ZC3H12B: variants seen among roughly 807,000 people sequenced by gnomAD.
ZC3H12B encodes zinc finger CCCH-type containing 12B.
In ZC3H12B, 7 loss-of-function variants were observed where a neutral mutation model predicts 43.9. The observed-to-expected ratio is 0.16, with a 90% CI of 0.09 to 0.30. The LOEUF is 0.30. Among genes scored for constraint, ZC3H12B ranks in the 10% least tolerant of loss-of-function variants. The pLI is 1.00. For synonymous variants in ZC3H12B, 222 were observed against 241.7 expected (o/e 0.92, Z 0.76); for missense variants, 475 against 670.2 (o/e 0.71, Z 3.22).
the ZC3H12B span, among the ~76,000 whole-genome samples, chrX:65,226,395 C>T: frequency 0.012 from 1,347 of 111,411 alleles, 17 homozygotes; most frequent in African/African-American, 0.042. Flanking sequence ...AAGGAACAAC[C>T]GGTACCAGCC....
the ZC3H12B span, among the ~76,000 whole-genome samples, chrX:65,172,687 T>C: frequency 1.8e-5 from 2 of 112,311 alleles, no homozygotes; most frequent in Non-Finnish European, 3.8e-5. Context: ...AGGGAATCCT[T>C]TCTACATTGT....
At chrX:65,059,520 A>T in the ZC3H12B span, among the ~76,000 whole-genome samples, 1 of 110,727 alleles carries the variant, frequency 9.0e-6, no homozygotes, top group Non-Finnish European at 1.9e-5. Context: ...GTTTAAAATG[A>T]GTTTAGTATA....
the ZC3H12B span, among the ~76,000 whole-genome samples, chrX:65,144,759 A>C: frequency 1.8e-5 from 2 of 110,965 alleles, no homozygotes; most frequent in African/African-American, 6.6e-5. Flanking sequence ...AGGTTATTTA[A>C]TTTCCATGTA....
At chrX:65,188,050 C>T in the ZC3H12B span, among the ~76,000 whole-genome samples, 1 of 111,623 alleles carries the variant, frequency 9.0e-6, no homozygotes, top group African/African-American at 3.3e-5. Context: ...TATGTGAGAA[C>T]ATGCATAGTT....
At chrX:65,360,576 ACTC>A in the ZC3H12B span, among the ~76,000 whole-genome samples, 4 of 111,810 alleles carry the variant, frequency 3.6e-5, no homozygotes, top group East Asian at 1.1e-3. Context: ...AGCAATTAGA[ACTC>A]CTACAAACGC....
chrX:65,461,812 C>G (rs2067753176), intron 3 of ZC3H12B, among the ~76,000 whole-genome samples: 1 of 110,037 alleles, frequency 9.1e-6, no homozygotes, highest in Non-Finnish European at 1.9e-5. Context: ...TGTAACAAAC[C>G]TGCACGTTGT....
the ZC3H12B span, among the ~76,000 whole-genome samples, chrX:65,073,488 A>G: frequency 8.9e-6 from 1 of 112,245 alleles, no homozygotes; most frequent in Non-Finnish European, 1.9e-5. Context: ...CGGCAGACCA[A>G]GGGGTGTTCA....
the ZC3H12B span, among the ~76,000 whole-genome samples, chrX:65,122,178 C>G: frequency 9.0e-6 from 1 of 110,902 alleles, no homozygotes; most frequent in Non-Finnish European, 1.9e-5. Context: ...TGGTGCAGAG[C>G]TGAGTTCAAT....
Position 65,393,736 on chromosome X carries a change from C to A in ZC3H12B, n.296-4857C>A, listed in dbSNP as rs939015683. Among the ~76,000 whole-genome samples the A allele has an allele frequency of 2.7e-5, 3 of 112,032 alleles. No individual in the cohort carries two copies. The Admixed American group carries it at 2.8e-4, about 11-fold the overall frequency. On this transcript the variant is annotated intron_variant and non_coding_transcript_variant, in intron 2 of 5. Coordinates refer to the ZC3H12B transcript ENST00000617377. ...ACCCAGTAATGGGATTGCTGGGTCA[C>A]ATGGTATTTCTGGTTCTAGATGCTT...
intron 3 of ZC3H12B, among the ~76,000 whole-genome samples, chrX:65,468,485 CT>C (rs756168806): frequency 0.073 from 6,389 of 87,932 alleles, 701 homozygotes; most frequent in African/African-American, 0.29. Flanking sequence ...TTCTTTCTTT[CT>C]TTTTTTTTTT....
At chrX:65,159,697 G>T in the ZC3H12B span, among the ~76,000 whole-genome samples, 2 of 111,835 alleles carry the variant, frequency 1.8e-5, no homozygotes, top group African/African-American at 6.5e-5. Flanking sequence ...ATACAATCAT[G>T]TCATCTGCAA....
the ZC3H12B span, among the ~76,000 whole-genome samples, chrX:65,037,979 T>C: frequency 1.8e-5 from 2 of 111,213 alleles, no homozygotes; most frequent in South Asian, 7.6e-4. Flanking sequence ...TACAAACCTC[T>C]GCAAAGCTTA....
the ZC3H12B span, among the ~76,000 whole-genome samples, chrX:65,048,593 A>G: frequency 2.7e-5 from 3 of 111,411 alleles, no homozygotes; most frequent in Non-Finnish European, 5.7e-5. Flanking sequence ...AGTAAATTTT[A>G]TTATACATAA....
At chrX:65,245,890 G>T in the ZC3H12B span, among the ~76,000 whole-genome samples, 2 of 109,545 alleles carry the variant, frequency 1.8e-5, no homozygotes, top group Non-Finnish European at 3.8e-5. Flanking sequence ...AAACCTGCAC[G>T]TTGTGCACAT....
chrX:65,102,021 A>G, the ZC3H12B span, among the ~76,000 whole-genome samples: 1 of 112,071 alleles, frequency 8.9e-6, no homozygotes, highest in Non-Finnish European at 1.9e-5. Context: ...CAGCACATCA[A>G]AAAGCTTATT....
At chrX:65,357,198 C>T in the ZC3H12B span, 14 of 404,517 alleles carry the variant, frequency 3.5e-5, no homozygotes, top group Non-Finnish European at 6.0e-5. Context: ...TATAAATTTC[C>T]CTCTCAGGGT....
chrX:65,326,369 C>T, the ZC3H12B span, among the ~76,000 whole-genome samples: 8 of 110,981 alleles, frequency 7.2e-5, no homozygotes, highest in African/African-American at 2.6e-4. Flanking sequence ...ATGGATGAGA[C>T]TGGAGGTCAT....
At chrX:65,200,238 C>T in the ZC3H12B span, among the ~76,000 whole-genome samples, 1,454 of 110,393 alleles carry the variant, frequency 0.013, 9 homozygotes, top group Non-Finnish European at 0.019. Context: ...GTTTATTGGC[C>T]GCATGTATGT....
At chrX:65,361,678 C>T (rs2066105055), upstream of ZC3H12B, among the ~76,000 whole-genome samples, 2 of 110,455 alleles carry the variant, frequency 1.8e-5, no homozygotes, top group Non-Finnish European at 3.8e-5. Flanking sequence ...ACTTTACTGT[C>T]CTAGACCCCA....
Sources: allele counts gnomAD v4.1 joint callset (sites outside exome capture counted in the v4.1 genomes callset), GRCh38; gene constraint gnomAD v4.1.1; transcripts MANE v1.5; gene names NCBI Gene and HGNC (gene_info 2026-07-23, HGNC 2026-07-21).